Variants in NR3C2 observed in about 807,000 individuals in gnomAD.
The protein encoded by NR3C2 is mineralocorticoid receptor.
In NR3C2, 15 loss-of-function variants were observed where a neutral mutation model predicts 86.4. That is an observed-to-expected ratio of 0.17 (90% confidence interval 0.12 to 0.27). The LOEUF (loss-of-function observed/expected upper bound fraction) is 0.27, where lower values mean the gene tolerates loss of function less well. Ranked by LOEUF, NR3C2 falls within the 10% of genes least tolerant of loss-of-function variation. The pLI is 1.00. For synonymous variants in NR3C2, 458 were observed against 450.5 expected, an observed-to-expected ratio of 1.02 and a Z score of -0.21; for missense variants, 960 against 1,195.6, an observed-to-expected ratio of 0.80 and a Z score of 2.91.
chr4:148,334,341 G>A (rs576756134), intron 2 of NR3C2, among the ~76,000 whole-genome samples: 85 of 152,294 alleles, frequency 5.6e-4, no homozygotes, highest in Middle Eastern at 3.4e-3. Context: ...TCGGGAGTTC[G>A]AGATCAGCCT....
chr4:148,116,581 C>G (rs1348506041), intron 7 of NR3C2, among the ~76,000 whole-genome samples: 2 of 152,194 alleles, frequency 1.3e-5, no homozygotes. Flanking sequence ...GTGCATCTGA[C>G]ATTCCTGAGA....
chr4:148,279,482 C>G (rs1005725009), intron 2 of NR3C2, among the ~76,000 whole-genome samples: 1 of 152,142 alleles, frequency 6.6e-6, no homozygotes, highest in Non-Finnish European at 1.5e-5. Flanking sequence ...AAACAAGACA[C>G]TAAAAATTCA....
At chr4:148,349,658 CATA>C (rs1745172981) in intron 2 of NR3C2, among the ~76,000 whole-genome samples, 3 of 151,750 alleles carry the variant, frequency 2.0e-5, no homozygotes, top group African/African-American at 7.3e-5. Context: ...AAAAAAAATT[CATA>C]ATAACTACTT....
intron 2 of NR3C2, among the ~76,000 whole-genome samples, chr4:148,337,276 T>C (rs527777101): frequency 6.6e-6 from 1 of 152,202 alleles, no homozygotes; most frequent in Non-Finnish European, 1.5e-5. Context: ...GGTGACATTG[T>C]TTCTTTTTTC....
intron 2 of NR3C2, among the ~76,000 whole-genome samples, chr4:148,413,770 T>A (rs1009862747): frequency 6.6e-6 from 1 of 152,268 alleles, no homozygotes; most frequent in East Asian, 1.9e-4. Flanking sequence ...AAATTACAAA[T>A]GATACACTAC....
At position 148,148,277 on chromosome 4, in the gene NR3C2, G is replaced by C. The variant is rs566626031; in HGVS notation, c.2510+4192C>G. On this transcript the variant is annotated intron_variant, in intron 6 of 8. Transcript: ENST00000358102. ...TAATTCTTCCCCTGCTCCAGTCCTT[G>C]CCAATATCCAATTACTAGCAATTCT... 3.3e-5 allele frequency among the ~76,000 whole-genome samples: 5 copies of C among 152,218 alleles called. No individual in the cohort carries two copies. In the South Asian group the frequency reaches 1.0e-3, roughly 32 times the overall value.
At chr4:148,098,233 C>A (rs1386606547) in intron 8 of NR3C2, among the ~76,000 whole-genome samples, 1 of 152,144 alleles carries the variant, frequency 6.6e-6, no homozygotes, top group Non-Finnish European at 1.5e-5. Flanking sequence ...CAATATATAA[C>A]CTTGTTTTAT....
chr4:148,365,332 A>G (rs570318318), intron 2 of NR3C2, among the ~76,000 whole-genome samples: 4 of 152,178 alleles, frequency 2.6e-5, no homozygotes, highest in Non-Finnish European at 5.9e-5. Context: ...CAGGGCTTAA[A>G]AAGTCTTGCA....
At position 148,330,794 on chromosome 4, in the gene NR3C2, G is replaced by A. The variant is rs368229822; in HGVS notation, c.1758-70677C>T. On this transcript the variant is annotated intron_variant, in intron 2 of 8. Transcript: ENST00000358102. ...GGGAGGTTGTCTGGATCATGGGGGC[G>A]GATCCCCTCATAAATGGCTTGGCAC... 5.3e-5 allele frequency among the ~76,000 whole-genome samples: 8 copies of A among 152,228 alleles called. No individual in the cohort carries two copies. In the East Asian group the frequency reaches 1.2e-3, roughly 22 times the overall value.
intron 2 of NR3C2, among the ~76,000 whole-genome samples, chr4:148,288,880 T>C (rs1271077851): frequency 3.3e-5 from 5 of 152,138 alleles, no homozygotes. Context: ...TGCAAGTTTC[T>C]GGTGGGAATA....
At chr4:148,380,031 T>C (rs752581517) in intron 2 of NR3C2, among the ~76,000 whole-genome samples, 14 of 152,340 alleles carry the variant, frequency 9.2e-5, no homozygotes, top group African/African-American at 3.4e-4. Context: ...TTAGGGTAAA[T>C]ATAATGGCTG....
intron 2 of NR3C2, among the ~76,000 whole-genome samples, chr4:148,288,634 CT>C: frequency 6.6e-6 from 1 of 152,324 alleles, no homozygotes; most frequent in East Asian, 1.9e-4. Flanking sequence ...CTACCTCTCT[CT>C]TATATACTTT....
intron 3 of NR3C2, among the ~76,000 whole-genome samples, chr4:148,221,708 C>T (rs918140796): frequency 6.6e-6 from 1 of 151,988 alleles, no homozygotes; most frequent in Non-Finnish European, 1.5e-5. Context: ...GCCTGGCCAA[C>T]ATGGTGAAAG....
chr4:148,089,982 C>T (rs777771822), intron 8 of NR3C2, among the ~76,000 whole-genome samples: 1 of 152,230 alleles, frequency 6.6e-6, no homozygotes, highest in Non-Finnish European at 1.5e-5. Context: ...GCAGTATCAA[C>T]CACCACAAGG....
chr4:148,257,784 A>G (rs1357143085), intron 3 of NR3C2, among the ~76,000 whole-genome samples: 2 of 152,148 alleles, frequency 1.3e-5, no homozygotes, highest in Non-Finnish European at 2.9e-5. Context: ...CTTTACTCTC[A>G]TGAATTTTAG....
chr4:148,183,691 C>T (rs181263370), intron 4 of NR3C2, among the ~76,000 whole-genome samples: 86 of 152,244 alleles, frequency 5.6e-4, no homozygotes, highest in African/African-American at 1.8e-3. Flanking sequence ...ATAATGGGCT[C>T]AGCAGAGTGC....
At chr4:148,375,920 T>C (rs1487073779) in intron 2 of NR3C2, among the ~76,000 whole-genome samples, 1 of 152,126 alleles carries the variant, frequency 6.6e-6, no homozygotes, top group Non-Finnish European at 1.5e-5. Context: ...ACCAAGATAA[T>C]ATCTCTGACA....
At chr4:148,224,802 A>T (rs1389704815) in intron 3 of NR3C2, among the ~76,000 whole-genome samples, 1 of 152,232 alleles carries the variant, frequency 6.6e-6, no homozygotes, top group Non-Finnish European at 1.5e-5. Flanking sequence ...TGTTATAAGG[A>T]GTAGAAGAAA....
At chr4:148,154,016 T>TC (rs1207908244) in intron 5 of NR3C2, among the ~76,000 whole-genome samples, 1 of 149,490 alleles carries the variant, frequency 6.7e-6, no homozygotes, top group African/African-American at 2.4e-5. Context: ...TTTAATTTCT[T>TC]TTTTTTTTTT....
Sources: allele counts gnomAD v4.1 joint callset (sites outside exome capture counted in the v4.1 genomes callset), GRCh38; gene constraint gnomAD v4.1.1; transcripts MANE v1.5; gene names NCBI Gene and HGNC (gene_info 2026-07-23, HGNC 2026-07-21).